The following PRKG1 variants were observed in gnomAD, a reference collection of about 807,000 sequenced individuals.
The protein encoded by PRKG1 is protein kinase cGMP-dependent 1.
PRKG1 carries 35 observed loss-of-function variants against 88.1 expected under a neutral mutation model. The ratio of observed to expected loss-of-function variants is 0.40; its 90% confidence interval spans 0.30 to 0.53. The LOEUF (loss-of-function observed/expected upper bound fraction) is 0.53. Among genes scored for constraint, PRKG1 ranks in the 20% least tolerant of loss-of-function variants. The pLI is 0.59. For synonymous variants in PRKG1, 303 were observed against 292.5 expected, an observed-to-expected ratio of 1.04 and a Z score of -0.37; for missense variants, 540 against 839.8, an observed-to-expected ratio of 0.64 and a Z score of 4.41.
chr10:51,659,602 T>G (rs536335358), intron 3 of PRKG1, among the ~76,000 whole-genome samples: 4 of 152,132 alleles, frequency 2.6e-5, no homozygotes, highest in Non-Finnish European at 5.9e-5. Context: ...GCTATCTCCG[T>G]GCACAGTATC....
chr10:52,080,986 T>C (rs960039841), intron 7 of PRKG1, among the ~76,000 whole-genome samples: 1 of 152,144 alleles, frequency 6.6e-6, no homozygotes, highest in Non-Finnish European at 1.5e-5. Context: ...GAGGCCTCTG[T>C]TGCAATTGCA....
chr10:51,831,222 T>G (rs1305954146), intron 4 of PRKG1, among the ~76,000 whole-genome samples: 4 of 152,152 alleles, frequency 2.6e-5, no homozygotes, highest in Non-Finnish European at 1.5e-5. Flanking sequence ...AATTTAACCC[T>G]TAGCCCAAGG....
intron 7 of PRKG1, among the ~76,000 whole-genome samples, chr10:52,094,079 A>C (rs1005933355): frequency 6.6e-6 from 1 of 152,136 alleles, no homozygotes; most frequent in Non-Finnish European, 1.5e-5. Flanking sequence ...AAATCATACA[A>C]ACTGGGGAAA....
At chr10:51,831,656 C>T (rs1243689126) in intron 4 of PRKG1, among the ~76,000 whole-genome samples, 1 of 152,154 alleles carries the variant, frequency 6.6e-6, no homozygotes, top group Non-Finnish European at 1.5e-5. Context: ...ACCTCATTTT[C>T]ATGGCCCAAG....
intron 2 of PRKG1, among the ~76,000 whole-genome samples, chr10:51,441,588 G>T (rs991002005): frequency 6.6e-6 from 1 of 151,910 alleles, no homozygotes; most frequent in Admixed American, 6.6e-5. Context: ...CATTCTTCTA[G>T]GTGGAGTGGC....
At chr10:51,052,412 C>A (rs544569711) in intron 1 of PRKG1, among the ~76,000 whole-genome samples, 1 of 152,202 alleles carries the variant, frequency 6.6e-6, no homozygotes, top group East Asian at 1.9e-4. Flanking sequence ...TTTGAATATT[C>A]TTTTTTTGAA....
At chr10:51,863,361 C>A (rs901791622) in intron 4 of PRKG1, among the ~76,000 whole-genome samples, 14 of 152,166 alleles carry the variant, frequency 9.2e-5, no homozygotes, top group African/African-American at 3.4e-4. Context: ...AAGTACTTGT[C>A]ACTTGTTGAT....
At chr10:51,720,568 A>G (rs983644072) in intron 3 of PRKG1, among the ~76,000 whole-genome samples, 2 of 152,126 alleles carry the variant, frequency 1.3e-5, no homozygotes, top group African/African-American at 2.4e-5. Flanking sequence ...GCTGATGCTT[A>G]TGGGTGGGAT....
chr10:51,238,804 C>G (rs1186163377), intron 2 of PRKG1, among the ~76,000 whole-genome samples: 1 of 151,246 alleles, frequency 6.6e-6, no homozygotes, highest in Non-Finnish European at 1.5e-5. Flanking sequence ...TTAACATAGG[C>G]CCTTCACATT....
chr10:51,677,802 T>C (rs1023614218), intron 3 of PRKG1, among the ~76,000 whole-genome samples: 8 of 152,140 alleles, frequency 5.3e-5, no homozygotes, highest in Admixed American at 5.2e-4. Context: ...GGTTTTTGTG[T>C]ATGTTAAGTG....
At chr10:51,200,136 C>T (rs971497859) in intron 2 of PRKG1, among the ~76,000 whole-genome samples, 8 of 151,990 alleles carry the variant, frequency 5.3e-5, no homozygotes, top group South Asian at 2.1e-4. Flanking sequence ...GTGAAAAATA[C>T]GGGAAAAAGC....
At chr10:51,352,445 A>G (rs1842271227) in intron 2 of PRKG1, among the ~76,000 whole-genome samples, 1 of 152,050 alleles carries the variant, frequency 6.6e-6, no homozygotes, top group Non-Finnish European at 1.5e-5. Flanking sequence ...TCTATATGCC[A>G]GCAGTGAACA....
intron 2 of PRKG1, among the ~76,000 whole-genome samples, chr10:51,190,848 T>C (rs555778232): frequency 4.5e-4 from 68 of 151,854 alleles, no homozygotes; most frequent in Non-Finnish European, 7.5e-4. Flanking sequence ...CCTTCCCATA[T>C]TGTCATTGTG....
In PRKG1 at chr10:51,194,535, A is replaced by T. The variant is rs192326233; in HGVS notation, c.478+41205A>T. ...AAACTTGCCATCGTTTATTTTACCCATGGCCTGCTTTTTAGGTAGAAATGA... is the reference window on the plus strand; with the variant it reads ...AAACTTGCCATCGTTTATTTTACCCTTGGCCTGCTTTTTAGGTAGAAATGA... On this transcript the variant is annotated intron_variant, in intron 2 of 17. Coordinates refer to ENST00000373980, the MANE Select transcript of PRKG1 (RefSeq NM_006258.4). 1.6e-3 allele frequency among the ~76,000 whole-genome samples: 237 copies of T among 152,196 alleles called. 1 individual carries two copies. Among genetic ancestry groups the T allele is most frequent in the Middle Eastern group, 3.4e-3 (1 of 294 alleles).
At chr10:51,816,898 T>C (rs1170571009) in intron 4 of PRKG1, among the ~76,000 whole-genome samples, 2 of 152,316 alleles carry the variant, frequency 1.3e-5, no homozygotes, top group Non-Finnish European at 2.9e-5. Context: ...GTAAGTGCTC[T>C]GGTTTGTTGT....
intron 2 of PRKG1, among the ~76,000 whole-genome samples, chr10:51,340,661 T>A (rs1841984563): frequency 6.6e-6 from 1 of 152,182 alleles, no homozygotes; most frequent in Admixed American, 6.5e-5. Context: ...AATACATATC[T>A]CATCATTTCA....
intron 5 of PRKG1, among the ~76,000 whole-genome samples, chr10:52,049,370 C>T (rs551992633): frequency 5.3e-5 from 8 of 152,122 alleles, no homozygotes; most frequent in African/African-American, 1.9e-4. Context: ...AAAAAGCCAG[C>T]AAGTCTGAAA....
chr10:52,247,827 C>G (rs187461569), intron 9 of PRKG1, among the ~76,000 whole-genome samples: 3 of 152,204 alleles, frequency 2.0e-5, no homozygotes, highest in Non-Finnish European at 4.4e-5. Flanking sequence ...CCTAACCCAG[C>G]GGTGCTAGAG....
chr10:51,028,166 A>G (rs1843233486), intron 1 of PRKG1, among the ~76,000 whole-genome samples: 1 of 152,186 alleles, frequency 6.6e-6, no homozygotes, highest in Admixed American at 6.6e-5. Context: ...TTACTCCTAA[A>G]AATATATAAA....
Sources: gnomAD v4.1 joint callset for allele counts (sites outside exome capture counted in the v4.1 genomes callset) on GRCh38, gnomAD v4.1.1 for gene constraint, MANE v1.5 for transcripts, NCBI Gene and HGNC (gene_info 2026-07-23, HGNC 2026-07-21) for gene names.